The following AUH variants were observed in gnomAD, a reference collection of about 807,000 sequenced individuals.
AUH encodes AU RNA binding methylglutaconyl-CoA hydratase.
In AUH, 29 loss-of-function variants were observed where a neutral mutation model predicts 42.3. That is an observed-to-expected ratio of 0.69 (90% CI 0.51 to 0.93). AUH has a LOEUF of 0.93. Among genes scored for constraint, AUH ranks in the 40% least tolerant of loss-of-function variants. The pLI, the probability that AUH is intolerant of heterozygous loss-of-function variation, is 0.00. For missense variants in AUH, 452 were observed against 438.1 expected, an observed-to-expected ratio of 1.03 and a Z score of -0.28; for synonymous variants, 174 against 166.4, an observed-to-expected ratio of 1.05 and a Z score of -0.35.
At chr9:91,331,698 T>C (rs1366711266) in intron 3 of AUH, among the ~76,000 whole-genome samples, 1 of 152,236 alleles carries the variant, frequency 6.6e-6, no homozygotes, top group Non-Finnish European at 1.5e-5. Flanking sequence ...AAAATTTCAG[T>C]GTTTTAATAA....
chr9:91,324,741 A>G (rs1829851710), intron 4 of AUH, among the ~76,000 whole-genome samples: 1 of 151,796 alleles, frequency 6.6e-6, no homozygotes, highest in African/African-American at 2.4e-5. Flanking sequence ...AATTTTGTAG[A>G]ATTTATTAAT....
At chr9:91,334,930 G>A (rs1402171213) in intron 3 of AUH, among the ~76,000 whole-genome samples, 3 of 152,062 alleles carry the variant, frequency 2.0e-5, no homozygotes, top group Non-Finnish European at 4.4e-5. Flanking sequence ...TGATTTCCAT[G>A]TGGCTAAATC....
chr9:91,361,907 T>C lies in AUH; in HGVS notation c.-18A>G. ...GCCGCCATGTTGTCTGTTTACGGCG[T>C]GGACCTGCGACGGCCGCTCCGCCCC... On this transcript the variant is annotated 5_prime_UTR_variant, in exon 1 of 10. Transcript: ENST00000375731. 7.1e-7 allele frequency: 1 copy of C among 1,409,864 alleles called. No individual in the cohort carries two copies. Among genetic ancestry groups the C allele is most frequent in the Non-Finnish European group, 9.2e-7 (1 of 1,085,036 alleles). The allele number at this position is 1,409,864 out of a possible 1,614,324, so 87.3% of individuals were successfully genotyped here.
rs968490915 is a variant in AUH, at chr9:91,322,297, A to C, written c.505+3021T>G. On this transcript the variant is annotated intron_variant, in intron 4 of 9. Transcript: ENST00000375731. ...TCAAGGTAATTTGAACAATGAAACCAATCTTAGCCACCCCCTTGCATATAT... is the reference window on the plus strand; with the variant it reads ...TCAAGGTAATTTGAACAATGAAACCCATCTTAGCCACCCCCTTGCATATAT... 2.6e-5 allele frequency among the ~76,000 whole-genome samples: 4 copies of C among 152,320 alleles called. No homozygotes were observed. In the East Asian group the frequency reaches 7.7e-4, roughly 29 times the overall value.
At chr9:91,346,809 G>A (rs1831544138) in intron 3 of AUH, among the ~76,000 whole-genome samples, 1 of 151,096 alleles carries the variant, frequency 6.6e-6, no homozygotes, top group Non-Finnish European at 1.5e-5. Context: ...TAGATTTGGG[G>A]ATTCCCCTAA....
intron 6 of AUH, among the ~76,000 whole-genome samples, chr9:91,291,625 A>G (rs1826898097): frequency 1.3e-5 from 2 of 152,238 alleles, no homozygotes; most frequent in Non-Finnish European, 1.5e-5. Flanking sequence ...ATCAATTACC[A>G]AAGTAGAAAA....
intron 1 of AUH, 124 bp downstream of exon 1, chr9:91,361,504 C>G (rs188484272): frequency 7.4e-7 from 1 of 1,350,334 alleles, no homozygotes; most frequent in African/African-American, 1.5e-5. Context: ...AGGGGAGGGA[C>G]CCAGGTTCGG....
intron 3 of AUH, among the ~76,000 whole-genome samples, chr9:91,338,499 C>T (rs1399394044): frequency 2.6e-5 from 4 of 152,190 alleles, no homozygotes; most frequent in South Asian, 2.1e-4. Context: ...GGCGCGATCT[C>T]GGCTCACTGC....
intron 7 of AUH, among the ~76,000 whole-genome samples, chr9:91,220,530 AG>A (rs1181769288): frequency 2.6e-5 from 4 of 152,156 alleles, no homozygotes; most frequent in Non-Finnish European, 4.4e-5. Context: ...ACACCTTGCT[AG>A]GAAGTTGTGC....
intron 6 of AUH, among the ~76,000 whole-genome samples, chr9:91,224,029 T>C (rs1209843577): frequency 6.6e-6 from 1 of 152,110 alleles, no homozygotes; most frequent in African/African-American, 2.4e-5. Context: ...AAACCCCTAG[T>C]TTTAGTGGGT....
Position 91,216,388 on chromosome 9 carries a change from G to C in AUH, c.895-282C>G, listed in dbSNP as rs560203287. ...GGCTAATTATAATGCTCACCAAATGGGAGTATTGTGAGGATTAAATGAGTT... is the reference window on the plus strand; with the variant it reads ...GGCTAATTATAATGCTCACCAAATGCGAGTATTGTGAGGATTAAATGAGTT... On this transcript the variant is annotated intron_variant, in intron 8 of 9. Transcript: ENST00000375731. 7.9e-5 allele frequency among the ~76,000 whole-genome samples: 12 copies of C among 151,896 alleles called. No individual in the cohort carries two copies. In the South Asian group the frequency reaches 1.2e-3, roughly 16 times the overall value.
intron 6 of AUH, among the ~76,000 whole-genome samples, chr9:91,280,913 C>G (rs941091556): frequency 6.6e-6 from 1 of 152,140 alleles, no homozygotes; most frequent in African/African-American, 2.4e-5. Context: ...CACACTTTCT[C>G]CATTGAATTG....
At chr9:91,318,769 G>T (rs1829350882) in intron 4 of AUH, among the ~76,000 whole-genome samples, 1 of 152,188 alleles carries the variant, frequency 6.6e-6, no homozygotes, top group Non-Finnish European at 1.5e-5. Flanking sequence ...GCACCTCCCA[G>T]CCCCCTTGCC....
chr9:91,314,526 C>T lies in AUH; in HGVS notation c.505+10792G>A, dbSNP rs376430353. Reference sequence around the variant, plus strand: ...AAAAAACACCTTAAAACCAAAAGCCCAAGAGCTATTTTTCTAGACATGTAA... The same window carrying T: ...AAAAAACACCTTAAAACCAAAAGCCTAAGAGCTATTTTTCTAGACATGTAA... On this transcript the variant is annotated intron_variant, in intron 4 of 9. Coordinates refer to ENST00000375731, the MANE Select transcript of AUH (RefSeq NM_001698.3). Among the ~76,000 whole-genome samples, 10 of 151,128 alleles carry T rather than the reference C, an allele frequency of 6.6e-5. No homozygotes were observed. In the East Asian group the frequency reaches 1.8e-3, roughly 27 times the overall value.
chr9:91,237,562 C>T (rs900179784), intron 6 of AUH, among the ~76,000 whole-genome samples: 12 of 152,304 alleles, frequency 7.9e-5, no homozygotes, highest in South Asian at 4.1e-4. Context: ...TATCCTCTAA[C>T]GCTGAACAGT....
intron 4 of AUH, among the ~76,000 whole-genome samples, chr9:91,308,581 A>G (rs969865583): frequency 6.6e-6 from 1 of 152,168 alleles, no homozygotes; most frequent in Admixed American, 6.5e-5. Context: ...CGGCACTTCA[A>G]ATTTCTAATA....
At chr9:91,353,817 T>G (rs1587925675) in intron 3 of AUH, among the ~76,000 whole-genome samples, 1 of 74,534 alleles carries the variant, frequency 1.3e-5, no homozygotes, top group Admixed American at 1.9e-4. Flanking sequence ...CAAGACTCCG[T>G]CTCAAAAAAA....
chr9:91,351,060 T>C (rs1315694333), intron 3 of AUH, among the ~76,000 whole-genome samples: 1 of 152,112 alleles, frequency 6.6e-6, no homozygotes, highest in African/African-American at 2.4e-5. Flanking sequence ...GCTTTGATCT[T>C]CCAAGCTCAT....
At chr9:91,321,540 T>A (rs988764514) in intron 4 of AUH, among the ~76,000 whole-genome samples, 1 of 152,174 alleles carries the variant, frequency 6.6e-6, no homozygotes, top group African/African-American at 2.4e-5. Context: ...GACAAAGGTA[T>A]AAGCCAAGCA....
Sources: allele counts gnomAD v4.1 joint callset (sites outside exome capture counted in the v4.1 genomes callset), GRCh38; gene constraint gnomAD v4.1.1; transcripts MANE v1.5; gene names NCBI Gene and HGNC (gene_info 2026-07-23, HGNC 2026-07-21).